Variants in PABPC4L observed in about 807,000 individuals in gnomAD.
PABPC4L encodes polyadenylate-binding protein 4-like.
For synonymous variants in PABPC4L, 169 were observed against 164.1 expected (o/e 1.03, Z -0.23); for missense variants, 452 against 451.4 (o/e 1.00, Z -0.01).
the PABPC4L span, among the ~76,000 whole-genome samples, chr4:134,086,797 GTT>G: frequency 7.8e-6 from 1 of 127,840 alleles, no homozygotes; most frequent in Non-Finnish European, 1.7e-5. Context: ...TGTTTTATTT[GTT>G]TTTTTTTCTT....
chr4:133,982,687 C>T, the PABPC4L span, among the ~76,000 whole-genome samples: 2 of 151,950 alleles, frequency 1.3e-5, no homozygotes, highest in Admixed American at 6.6e-5. Flanking sequence ...TATTTCCCCT[C>T]ATCAATCCAC....
the PABPC4L span, among the ~76,000 whole-genome samples, chr4:134,047,641 G>A: frequency 2.0e-5 from 3 of 152,044 alleles, no homozygotes; most frequent in African/African-American, 7.2e-5. Flanking sequence ...TCAGGAAATT[G>A]AAAAGATCTC....
the PABPC4L span, among the ~76,000 whole-genome samples, chr4:134,185,657 A>T: frequency 3.3e-5 from 5 of 152,140 alleles, no homozygotes; most frequent in Non-Finnish European, 7.4e-5. Flanking sequence ...CACCACTCCT[A>T]TTCAACATAG....
At chr4:134,110,429 A>T in the PABPC4L span, among the ~76,000 whole-genome samples, 1 of 151,994 alleles carries the variant, frequency 6.6e-6, no homozygotes, top group South Asian at 2.1e-4. Context: ...TATGAAAAAT[A>T]TTTTTTTCTT....
the PABPC4L span, among the ~76,000 whole-genome samples, chr4:134,088,887 A>T: frequency 6.6e-6 from 1 of 152,160 alleles, no homozygotes; most frequent in African/African-American, 2.4e-5. Flanking sequence ...CTTGATAAAC[A>T]ATAAAAAATA....
chr4:134,116,867 C>T, the PABPC4L span, among the ~76,000 whole-genome samples: 1 of 151,610 alleles, frequency 6.6e-6, no homozygotes, highest in African/African-American at 2.4e-5. Flanking sequence ...ATTTGGCAAT[C>T]AAAATCCTAA....
At chr4:134,048,337 A>G in the PABPC4L span, among the ~76,000 whole-genome samples, 2 of 152,266 alleles carry the variant, frequency 1.3e-5, no homozygotes, top group East Asian at 3.9e-4. Context: ...ATATATCTCA[A>G]TTGAAATTTT....
upstream of PABPC4L, chr4:134,201,879 C>T (rs1729904030): frequency 6.6e-6 from 1 of 152,640 alleles, no homozygotes; most frequent in South Asian, 2.1e-4. Flanking sequence ...GATGGCTAAG[C>T]TGAGAAGCAG....
the PABPC4L span, among the ~76,000 whole-genome samples, chr4:134,158,066 AC>A: frequency 2.0e-5 from 3 of 151,870 alleles, no homozygotes; most frequent in African/African-American, 7.2e-5. Flanking sequence ...TAGTCCTCTA[AC>A]TTTTTCAAGT....
chr4:133,996,681 G>A, the PABPC4L span, among the ~76,000 whole-genome samples: 2 of 152,182 alleles, frequency 1.3e-5, no homozygotes, highest in African/African-American at 4.8e-5. Flanking sequence ...GACTCTGGCT[G>A]AGGGGTGGAT....
chr4:134,000,122 T>C, the PABPC4L span, among the ~76,000 whole-genome samples: 6 of 152,092 alleles, frequency 3.9e-5, no homozygotes, highest in Middle Eastern at 3.2e-3. Context: ...GAGTTTTAAA[T>C]AGCAACCACA....
chr4:134,142,247 C>T, the PABPC4L span, among the ~76,000 whole-genome samples: 2 of 151,512 alleles, frequency 1.3e-5, no homozygotes, highest in African/African-American at 4.8e-5. Context: ...AATCACAGTA[C>T]CTATTTCTGC....
At chr4:134,087,280 G>C in the PABPC4L span, among the ~76,000 whole-genome samples, 1 of 151,982 alleles carries the variant, frequency 6.6e-6, no homozygotes, top group Non-Finnish European at 1.5e-5. Flanking sequence ...GTCCTTTGTA[G>C]GGACATGGAT....
the PABPC4L span, among the ~76,000 whole-genome samples, chr4:134,010,357 G>T: frequency 7.2e-5 from 11 of 152,106 alleles, no homozygotes; most frequent in Non-Finnish European, 1.6e-4. Context: ...AATCAGAATA[G>T]ATTAAGCCCA....
the PABPC4L span, among the ~76,000 whole-genome samples, chr4:134,038,132 T>C: frequency 6.6e-6 from 1 of 152,162 alleles, no homozygotes; most frequent in Non-Finnish European, 1.5e-5. Flanking sequence ...GTTTATTGTT[T>C]TGAGTATGTT....
the PABPC4L span, among the ~76,000 whole-genome samples, chr4:133,950,523 A>G: frequency 2.6e-5 from 4 of 152,150 alleles, 1 homozygote; most frequent in South Asian, 4.1e-4. Context: ...TGGGGACCCC[A>G]GTGACTTCCT....
chr4:134,032,209 A>G, the PABPC4L span, among the ~76,000 whole-genome samples: 1 of 151,876 alleles, frequency 6.6e-6, no homozygotes, highest in Non-Finnish European at 1.5e-5. Flanking sequence ...CAGGAGGGTC[A>G]TTTGTTTTGA....
the PABPC4L span, among the ~76,000 whole-genome samples, chr4:134,002,241 C>T: frequency 1.3e-5 from 2 of 151,492 alleles, no homozygotes; most frequent in African/African-American, 4.8e-5. Flanking sequence ...TTTATTGTTT[C>T]CTAGGGGAAA....
At chr4:134,118,502 C>T in the PABPC4L span, among the ~76,000 whole-genome samples, 1 of 151,678 alleles carries the variant, frequency 6.6e-6, no homozygotes, top group African/African-American at 2.4e-5. Flanking sequence ...TCTAAGGCAA[C>T]ACTTAGATTG....
Sources: allele counts gnomAD v4.1 joint callset (sites outside exome capture counted in the v4.1 genomes callset), GRCh38; gene constraint gnomAD v4.1.1; transcripts MANE v1.5; gene names NCBI Gene and HGNC (gene_info 2026-07-23, HGNC 2026-07-21).